Variants in SUPT3H observed in about 807,000 individuals in gnomAD.
SUPT3H encodes SPT3 homolog, SAGA and STAGA complex component, also known as transcription initiation protein SPT3 homolog.
In SUPT3H, 44 loss-of-function variants were observed where a neutral mutation model predicts 44.3. The ratio of observed to expected loss-of-function variants is 0.99; its 90% confidence interval spans 0.78 to 1.28. The LOEUF is 1.28. Among genes scored for constraint, SUPT3H ranks in the 50% most tolerant of loss-of-function variants. SUPT3H has a pLI of 0.00. For missense variants in SUPT3H, 380 were observed against 387.1 expected (o/e 0.98, Z 0.15); for synonymous variants, 124 against 125.6 (o/e 0.99, Z 0.09).
At chr6:45,274,975 G>C (rs1444817385) in intron 2 of SUPT3H, among the ~76,000 whole-genome samples, 1 of 151,956 alleles carries the variant, frequency 6.6e-6, no homozygotes, top group African/African-American at 2.4e-5. Context: ...CTATTAATGA[G>C]GCATATTATA....
At chr6:44,952,327 T>A (rs568868185) in intron 9 of SUPT3H, among the ~76,000 whole-genome samples, 5 of 152,184 alleles carry the variant, frequency 3.3e-5, no homozygotes. Context: ...AATGTGTTTA[T>A]AGAAAAAGGG....
At chr6:45,011,613 T>C (rs1291124037) in intron 5 of SUPT3H, among the ~76,000 whole-genome samples, 4 of 152,084 alleles carry the variant, frequency 2.6e-5, no homozygotes, top group African/African-American at 9.7e-5. Context: ...ACAATTTTTA[T>C]ATACATAGTG....
chr6:45,181,537 T>C (rs1170690754), intron 2 of SUPT3H, among the ~76,000 whole-genome samples: 4 of 151,666 alleles, frequency 2.6e-5, no homozygotes, highest in African/African-American at 4.8e-5. Flanking sequence ...TATGCAGCCA[T>C]AAAAAATGAT....
intron 3 of SUPT3H, among the ~76,000 whole-genome samples, chr6:45,089,001 A>G (rs1251501298): frequency 6.6e-6 from 1 of 152,064 alleles, no homozygotes; most frequent in Non-Finnish European, 1.5e-5. Context: ...AGATGTATTC[A>G]TCTGAAGGAA....
At chr6:45,158,303 T>TACA (rs1808337065) in intron 2 of SUPT3H, among the ~76,000 whole-genome samples, 1 of 86,198 alleles carries the variant, frequency 1.2e-5, no homozygotes, top group Non-Finnish European at 2.9e-5. Context: ...TATATATTTT[T>TACA]TTTTTTTTTT....
chr6:44,915,184 G>C (rs1399604252), intron 10 of SUPT3H, among the ~76,000 whole-genome samples: 1 of 152,014 alleles, frequency 6.6e-6, no homozygotes, highest in Admixed American at 6.5e-5. Flanking sequence ...AATTTGGAAG[G>C]GCCTCAGAGA....
intron 2 of SUPT3H, among the ~76,000 whole-genome samples, chr6:45,166,959 T>A (rs1248989100): frequency 1.3e-5 from 2 of 152,218 alleles, no homozygotes; most frequent in African/African-American, 4.8e-5. Flanking sequence ...TGGAAAACAC[T>A]TTGGCAGTTT....
chr6:44,915,771 C>T (rs1582469893), intron 10 of SUPT3H, among the ~76,000 whole-genome samples: 2 of 152,088 alleles, frequency 1.3e-5, no homozygotes, highest in African/African-American at 4.8e-5. Flanking sequence ...CTACCTATAA[C>T]GTGGAAGCTC....
intron 10 of SUPT3H, among the ~76,000 whole-genome samples, chr6:44,879,859 A>G (rs952348049): frequency 3.9e-5 from 6 of 152,216 alleles, no homozygotes; most frequent in African/African-American, 1.4e-4. Flanking sequence ...AGGAAAATGA[A>G]CAAACACAAA....
At chr6:45,127,166 T>C (rs1052225029) in intron 2 of SUPT3H, among the ~76,000 whole-genome samples, 2 of 152,002 alleles carry the variant, frequency 1.3e-5, no homozygotes, top group East Asian at 3.9e-4. Context: ...ACACAAAAAT[T>C]AGCTGGGTGC....
intron 4 of SUPT3H, among the ~76,000 whole-genome samples, chr6:45,015,409 T>C (rs1251057260): frequency 1.3e-5 from 2 of 152,122 alleles, no homozygotes. Flanking sequence ...GCATATACCA[T>C]GAATGAAGCT....
At chr6:45,180,359 A>G (rs1307767581) in intron 2 of SUPT3H, among the ~76,000 whole-genome samples, 1 of 150,476 alleles carries the variant, frequency 6.6e-6, no homozygotes, top group Non-Finnish European at 1.5e-5. Context: ...CAGAATTGGA[A>G]AAAACTACTT....
At chr6:45,181,783 G>A (rs1211526868) in intron 2 of SUPT3H, among the ~76,000 whole-genome samples, 2 of 151,578 alleles carry the variant, frequency 1.3e-5, no homozygotes, top group Admixed American at 1.3e-4. Context: ...GAGTTAGTGG[G>A]TGCAGCGCAC....
At chr6:44,849,220 CTTTTTTT>C (rs143665414) in intron 10 of SUPT3H, among the ~76,000 whole-genome samples, 16 of 96,636 alleles carry the variant, frequency 1.7e-4, no homozygotes, top group South Asian at 1.3e-3. Flanking sequence ...CAAATGAATA[CTTTTTTT>C]TTTTTTTTTT....
intron 2 of SUPT3H, among the ~76,000 whole-genome samples, chr6:45,140,055 C>T (rs1014191744): frequency 5.9e-5 from 9 of 152,058 alleles, no homozygotes; most frequent in Non-Finnish European, 1.2e-4. Context: ...GACCAGCCTC[C>T]GGAACTTCAT....
chr6:45,218,863 C>T (rs191379269), intron 2 of SUPT3H, among the ~76,000 whole-genome samples: 23 of 152,238 alleles, frequency 1.5e-4, no homozygotes, highest in Non-Finnish European at 2.8e-4. Context: ...CTAAGATAGA[C>T]CACGTCCTGA....
At chr6:45,375,666 C>G (rs1268747677) in intron 1 of SUPT3H, among the ~76,000 whole-genome samples, 2 of 152,146 alleles carry the variant, frequency 1.3e-5, no homozygotes, top group South Asian at 4.1e-4. Context: ...GCCTCAGCCT[C>G]CCAAAGTGCT....
At chr6:45,259,335 G>T (rs1308353852) in intron 2 of SUPT3H, among the ~76,000 whole-genome samples, 1 of 152,042 alleles carries the variant, frequency 6.6e-6, no homozygotes, top group Non-Finnish European at 1.5e-5. Context: ...TTATAATAAT[G>T]ATCATTTAAA....
At chr6:44,974,479 A>T (rs1778040777) in intron 6 of SUPT3H, among the ~76,000 whole-genome samples, 1 of 152,116 alleles carries the variant, frequency 6.6e-6, no homozygotes, top group Non-Finnish European at 1.5e-5. Context: ...AATACCAAAA[A>T]CTGCAAAACA....
Sources: allele counts gnomAD v4.1 joint callset (sites outside exome capture counted in the v4.1 genomes callset), GRCh38; gene constraint gnomAD v4.1.1; transcripts MANE v1.5; gene names NCBI Gene and HGNC (gene_info 2026-07-23, HGNC 2026-07-21).